MAPK10: variants seen among roughly 807,000 people sequenced by gnomAD.
The protein encoded by MAPK10 is JNK3 alpha protein kinase.
In MAPK10, 25 loss-of-function variants were observed where a neutral mutation model predicts 59.3. That is an observed-to-expected ratio of 0.42 (90% CI 0.31 to 0.59). The LOEUF (loss-of-function observed/expected upper bound fraction) is 0.59. Among genes scored for constraint, MAPK10 ranks in the 20% least tolerant of loss-of-function variants. The pLI, the probability that MAPK10 is intolerant of heterozygous loss-of-function variation, is 0.15. For synonymous variants in MAPK10, 190 were observed against 200.5 expected, an observed-to-expected ratio of 0.95 and a Z score of 0.44; for missense variants, 351 against 568.9, an observed-to-expected ratio of 0.62 and a Z score of 3.90.
chr4:86,559,495 T>A (rs1760509781), intron 1 of MAPK10, among the ~76,000 whole-genome samples: 1 of 152,176 alleles, frequency 6.6e-6, no homozygotes, highest in Non-Finnish European at 1.5e-5. Flanking sequence ...CAATGAACTC[T>A]CTTGTTTCCC....
At chr4:86,370,729 A>G (rs1319461851) in intron 1 of MAPK10, 1 of 152,238 alleles carries the variant, frequency 6.6e-6, no homozygotes, top group Non-Finnish European at 1.5e-5. Flanking sequence ...GAAGAAGCAT[A>G]GTCAAATAAA....
upstream of MAPK10, among the ~76,000 whole-genome samples, chr4:86,361,443 A>G (rs1391565243): frequency 6.6e-6 from 1 of 152,202 alleles, no homozygotes; most frequent in Non-Finnish European, 1.5e-5. Context: ...AAACAACTTT[A>G]TAACACAAAA....
At chr4:86,241,526 C>A (rs1035982184) in intron 2 of MAPK10, among the ~76,000 whole-genome samples, 1 of 151,880 alleles carries the variant, frequency 6.6e-6, no homozygotes, top group Non-Finnish European at 1.5e-5. Context: ...TTGTTCATTC[C>A]TTTCATTCTT....
chr4:86,395,750 C>A (rs899311716), intron 1 of MAPK10, among the ~76,000 whole-genome samples: 5 of 152,184 alleles, frequency 3.3e-5, no homozygotes, highest in Non-Finnish European at 7.3e-5. Flanking sequence ...GGTGAGGGTT[C>A]TCTTCCTGGC....
intron 2 of MAPK10, among the ~76,000 whole-genome samples, chr4:86,253,288 CAGTATG>C (rs2093548034): frequency 5.6e-5 from 3 of 53,386 alleles, no homozygotes; most frequent in Admixed American, 2.0e-4. Flanking sequence ...TTTGCCCATT[CAGTATG>C]ATATTGGCTG....
At chr4:86,327,001 C>T (rs997836324) in intron 2 of MAPK10, 5 of 152,236 alleles carry the variant, frequency 3.3e-5, no homozygotes, top group Non-Finnish European at 5.9e-5. Context: ...GAATCCATCT[C>T]GCTCTGTTGC....
chr4:86,159,406 T>C lies in MAPK10; in HGVS notation c.128A>G (p.Lys43Arg), dbSNP rs769254724. The C allele has an allele frequency of 6.2e-7, 1 of 1,612,760 alleles. No homozygotes were observed. The highest frequency in any genetic ancestry group is 8.5e-7 in the Non-Finnish European group (1 of 1,179,114). The change falls in exon 4 of 14, where the codon AAA (lysine) becomes AGA (arginine). Residue 43 changes from lysine to arginine, a missense_variant. Around this residue, in one of 5 missense-constraint regions of MAPK10, gnomAD observed 61 missense variants for 58.4 expected, o/e 1.05. Coordinates refer to ENST00000641462, the MANE Select transcript of MAPK10 (RefSeq NM_138982.4). ...CACACTGTAGAACTGGTTGTCAACT[T>C]TGCTTTTGCTCATGTTGTAATGTTT... is the stretch of plus-strand genomic sequence containing the variant. ...IAKHYNMSKS[K>R]VDNQFYSVEV...
chr4:86,035,818 A>C (rs146611414), intron 11 of MAPK10, among the ~76,000 whole-genome samples: 109 of 152,264 alleles, frequency 7.2e-4, no homozygotes, highest in African/African-American at 2.6e-3. Flanking sequence ...TTATGTGAGA[A>C]GAGATGATGA....
intron 1 of MAPK10, among the ~76,000 whole-genome samples, chr4:86,544,692 C>G (rs1430409636): frequency 6.6e-6 from 1 of 152,036 alleles, no homozygotes; most frequent in African/African-American, 2.4e-5. Flanking sequence ...ATTTTGTTGC[C>G]AATGTGGATT....
At chr4:86,169,086 A>G (rs1318779220) in intron 3 of MAPK10, among the ~76,000 whole-genome samples, 1 of 152,094 alleles carries the variant, frequency 6.6e-6, no homozygotes, top group East Asian at 1.9e-4. Flanking sequence ...TCAAAGACCA[A>G]AAGTAGATAA....
chr4:86,362,509 T>C (rs1737177565), upstream of MAPK10, among the ~76,000 whole-genome samples: 1 of 151,868 alleles, frequency 6.6e-6, no homozygotes, highest in South Asian at 2.1e-4. Flanking sequence ...GTCTAGATGA[T>C]ACATATATCT....
At chr4:86,531,061 G>A (rs1025972077) in intron 1 of MAPK10, among the ~76,000 whole-genome samples, 2 of 152,102 alleles carry the variant, frequency 1.3e-5, no homozygotes, top group Non-Finnish European at 2.9e-5. Flanking sequence ...GATCTCCATG[G>A]TCACCAAGCT....
chr4:86,261,244 T>C (rs573706941), intron 2 of MAPK10, among the ~76,000 whole-genome samples: 107 of 152,342 alleles, frequency 7.0e-4, no homozygotes, highest in African/African-American at 2.5e-3. Context: ...CATCACGTAA[T>C]TGTTGACCAC....
At chr4:86,346,948 T>TTA (rs1026228105) in intron 2 of MAPK10, among the ~76,000 whole-genome samples, 4 of 152,038 alleles carry the variant, frequency 2.6e-5, no homozygotes, top group African/African-American at 9.7e-5. Flanking sequence ...TTATTAAGAT[T>TTA]TATATATATC....
intron 2 of MAPK10, among the ~76,000 whole-genome samples, chr4:86,323,997 C>G (rs574524596): frequency 6.6e-6 from 1 of 152,226 alleles, no homozygotes; most frequent in South Asian, 2.1e-4. Flanking sequence ...ATAACTAAAT[C>G]TAAATAGTAT....
intron 2 of MAPK10, among the ~76,000 whole-genome samples, chr4:86,344,667 G>A (rs1191813961): frequency 2.0e-5 from 3 of 151,998 alleles, no homozygotes; most frequent in South Asian, 2.1e-4. Context: ...TATGAGGGGA[G>A]GGAGGAAGGA....
intron 2 of MAPK10, chr4:86,326,679 CTT>C (rs1332885669): frequency 6.6e-6 from 1 of 152,192 alleles, no homozygotes; most frequent in Non-Finnish European, 1.5e-5. Context: ...GTCCATATCT[CTT>C]TTCACTGTTG....
intron 1 of MAPK10, among the ~76,000 whole-genome samples, chr4:86,415,428 T>C (rs191210605): frequency 1.3e-5 from 2 of 152,334 alleles, no homozygotes; most frequent in East Asian, 3.9e-4. Flanking sequence ...GGCAGCATTA[T>C]TACACAATAG....
At chr4:86,296,757 T>C (rs1045215564) in intron 2 of MAPK10, among the ~76,000 whole-genome samples, 40 of 152,230 alleles carry the variant, frequency 2.6e-4, no homozygotes, top group African/African-American at 7.7e-4. Flanking sequence ...ATAGTTCCTA[T>C]CTACTATTTA....
Sources: allele counts gnomAD v4.1 joint callset (sites outside exome capture counted in the v4.1 genomes callset), GRCh38; gene constraint gnomAD v4.1.1; regional missense constraint gnomAD v4.1.1; transcripts MANE v1.5; gene names NCBI Gene and HGNC (gene_info 2026-07-23, HGNC 2026-07-21).